Variants in TSPAN9 observed in about 807,000 individuals in gnomAD.
TSPAN9 encodes tetraspanin 9, also known as tetraspanin-9.
A neutral mutation model predicts 31.0 loss-of-function variants in TSPAN9; 16 were observed. That is an observed-to-expected ratio of 0.52 (90% CI 0.35 to 0.78). TSPAN9 has a LOEUF of 0.78. Among genes scored for constraint, TSPAN9 ranks in the 30% least tolerant of loss-of-function variants. TSPAN9 has a pLI of 0.01. For missense variants in TSPAN9, 272 were observed against 312.5 expected (o/e 0.87, Z 0.98); for synonymous variants, 145 against 121.6 (o/e 1.19, Z -1.27).
chr12:3,102,659 G>C (rs552265094), intron 2 of TSPAN9, among the ~76,000 whole-genome samples: 12 of 151,944 alleles, frequency 7.9e-5, no homozygotes, highest in Non-Finnish European at 1.6e-4. Flanking sequence ...GGATGGTCTC[G>C]ATCTCCTGAC....
intron 2 of TSPAN9, among the ~76,000 whole-genome samples, chr12:3,167,681 A>G (rs1428671987): frequency 6.6e-6 from 1 of 152,232 alleles, no homozygotes; most frequent in East Asian, 1.9e-4. Flanking sequence ...AAGTCCAGGC[A>G]ACTGCTGCCT....
At chr12:3,209,393 T>C (rs2098377136) in intron 3 of TSPAN9, among the ~76,000 whole-genome samples, 1 of 152,238 alleles carries the variant, frequency 6.6e-6, no homozygotes, top group Non-Finnish European at 1.5e-5. Flanking sequence ...ACATTTGGGT[T>C]ATTTCCTCCT....
intron 3 of TSPAN9, among the ~76,000 whole-genome samples, chr12:3,273,952 G>T (rs1302022803): frequency 1.3e-5 from 2 of 152,196 alleles, no homozygotes; most frequent in African/African-American, 2.4e-5. Context: ...CTTCCCCACC[G>T]CTGGAGGGAA....
intron 3 of TSPAN9, among the ~76,000 whole-genome samples, chr12:3,275,871 G>A (rs376651449): frequency 2.0e-5 from 3 of 152,248 alleles, no homozygotes; most frequent in African/African-American, 4.8e-5. Flanking sequence ...TTAGTAATAC[G>A]TGGCGGTGTC....
intron 1 of TSPAN9, among the ~76,000 whole-genome samples, chr12:3,080,133 T>G (rs2098297186): frequency 6.6e-6 from 1 of 152,110 alleles, no homozygotes; most frequent in African/African-American, 2.4e-5. Flanking sequence ...CACCACCTAT[T>G]TGTGCAACCT....
At chr12:3,090,256 A>C in intron 2 of TSPAN9, among the ~76,000 whole-genome samples, 1 of 152,306 alleles carries the variant, frequency 6.6e-6, no homozygotes, top group East Asian at 1.9e-4. Flanking sequence ...ATTTTGTTCC[A>C]TTCATCACTG....
At chr12:3,213,960 G>C (rs994833643) in intron 3 of TSPAN9, among the ~76,000 whole-genome samples, 1 of 152,186 alleles carries the variant, frequency 6.6e-6, no homozygotes, top group Non-Finnish European at 1.5e-5. Flanking sequence ...CTTGGAAGAT[G>C]CATGCCAGTT....
chr12:3,236,553 T>C (rs751136141), intron 3 of TSPAN9, among the ~76,000 whole-genome samples: 57 of 152,238 alleles, frequency 3.7e-4, no homozygotes, highest in South Asian at 2.1e-3. Context: ...TAAGATGATA[T>C]GTAAAGAACG....
chr12:3,173,856 C>T (rs1231048068), intron 2 of TSPAN9: 3 of 152,282 alleles, frequency 2.0e-5, no homozygotes, highest in East Asian at 3.9e-4. Context: ...CCCTCCTCCT[C>T]CTTAAATTAT....
intron 2 of TSPAN9, among the ~76,000 whole-genome samples, chr12:3,137,355 A>T (rs962580936): frequency 6.6e-6 from 1 of 152,138 alleles, no homozygotes; most frequent in African/African-American, 2.4e-5. Flanking sequence ...ACTGGAACAC[A>T]TAAGTGCCTG....
chr12:3,140,297 A>C (rs1048140673), intron 2 of TSPAN9, among the ~76,000 whole-genome samples: 1 of 152,130 alleles, frequency 6.6e-6, no homozygotes, highest in Admixed American at 6.5e-5. Context: ...GGTTGGTACC[A>C]AGGAAACTTG....
intron 2 of TSPAN9, among the ~76,000 whole-genome samples, chr12:3,095,490 G>A (rs2098307735): frequency 9.7e-6 from 1 of 103,554 alleles, no homozygotes; most frequent in Admixed American, 8.3e-5. Context: ...GCGGCTGGCC[G>A]GGCGGGGGAC....
intron 3 of TSPAN9, among the ~76,000 whole-genome samples, chr12:3,228,952 TCTC>T (rs892774005): frequency 1.5e-4 from 23 of 152,144 alleles, no homozygotes; most frequent in South Asian, 2.1e-4. Context: ...CAATCCCTCA[TCTC>T]CTCCTCCTCT....
chr12:3,089,922 TAAATA>T (rs975726325), intron 2 of TSPAN9, among the ~76,000 whole-genome samples: 2 of 151,524 alleles, frequency 1.3e-5, no homozygotes, highest in African/African-American at 4.9e-5. Context: ...AATAAATAAA[TAAATA>T]AAATAAAAGC....
chr12:3,189,807 T>C (rs2098363352), intron 2 of TSPAN9, among the ~76,000 whole-genome samples: 1 of 151,872 alleles, frequency 6.6e-6, no homozygotes, highest in African/African-American at 2.4e-5. Flanking sequence ...GGAAGAGAGA[T>C]GGAGTGAGAC....
chr12:3,211,691 CCTT>C lies in TSPAN9; in HGVS notation c.63+10438_63+10440del, dbSNP rs1011338171. On this transcript the variant is annotated intron_variant, in intron 3 of 8. Coordinates refer to ENST00000011898, the MANE Select transcript of TSPAN9 (RefSeq NM_006675.5). Reference sequence around the variant, plus strand: ...GTGCTGCTTCCTCCTGAAGGAACATCCTTCTGTAAGCCTTGCTTTTCCTCCTGT... The same window carrying C: ...GTGCTGCTTCCTCCTGAAGGAACATCCTGTAAGCCTTGCTTTTCCTCCTGT... 4 of 1,583,530 alleles carry C rather than the reference CCTT, an allele frequency of 2.5e-6. No homozygotes were observed. The African/African-American group carries it at 5.4e-5, about 21-fold the overall frequency.
At position 3,087,174 on chromosome 12, in the gene TSPAN9, C is replaced by A. The variant is rs1203116037; in HGVS notation, c.-18+3455C>A. 3.9e-5 allele frequency among the ~76,000 whole-genome samples: 6 copies of A among 152,250 alleles called. No homozygotes were observed. The East Asian group carries it at 1.2e-3, about 29-fold the overall frequency. On this transcript the variant is annotated intron_variant, in intron 2 of 8. Transcript: ENST00000011898. ...GCTTGCATGGGTTTGTGTGGGAGGG[C>A]ACTCTGCATTGTTTTGGCACTCAGT...
chr12:3,118,256 G>GTTTTTTTTTTCTTTTTT (rs2098323379), intron 2 of TSPAN9, among the ~76,000 whole-genome samples: 1 of 31,582 alleles, frequency 3.2e-5, no homozygotes, highest in Non-Finnish European at 6.4e-5. Flanking sequence ...TGCACCCGCC[G>GTTTTTTTTTTCTTTTTT]TTTTTTTTTT....
intron 2 of TSPAN9, among the ~76,000 whole-genome samples, chr12:3,174,765 G>T (rs1030458905): frequency 8.1e-6 from 1 of 123,230 alleles, no homozygotes; most frequent in Non-Finnish European, 1.9e-5. Flanking sequence ...TGTATTTTTA[G>T]TAGAGACGGG....
Sources: allele counts gnomAD v4.1 joint callset (sites outside exome capture counted in the v4.1 genomes callset), GRCh38; gene constraint gnomAD v4.1.1; transcripts MANE v1.5; gene names NCBI Gene and HGNC (gene_info 2026-07-23, HGNC 2026-07-21).